SLC25A40: variants seen among roughly 807,000 people sequenced by gnomAD.
SLC25A40 encodes the protein solute carrier family 25 member 40, also known as mitochondrial glutathione transporter SLC25A40.
In SLC25A40, 41 loss-of-function variants were observed where a neutral mutation model predicts 46.5. The observed-to-expected ratio is 0.88, with a 90% CI of 0.69 to 1.14. The LOEUF (loss-of-function observed/expected upper bound fraction) is 1.14, where lower values mean the gene tolerates loss of function less well. SLC25A40 is among the 50% of genes most tolerant of loss of function. The probability of loss-of-function intolerance (pLI) is 0.00; values close to 1 mark genes in which losing one functional copy is unlikely to be tolerated. For synonymous variants in SLC25A40, 126 were observed against 127.5 expected, an observed-to-expected ratio of 0.99 and a Z score of 0.08; for missense variants, 386 against 393.6, an observed-to-expected ratio of 0.98 and a Z score of 0.16.
intron 1 of SLC25A40, among the ~76,000 whole-genome samples, chr7:87,873,662 A>T (rs1384584432): frequency 1.3e-5 from 2 of 151,854 alleles, no homozygotes; most frequent in Non-Finnish European, 2.9e-5. Context: ...CCAACTTCTG[A>T]CCTCGTGATC....
chr7:87,864,616 T>C (rs768692227), intron 1 of SLC25A40, among the ~76,000 whole-genome samples: 1 of 152,242 alleles, frequency 6.6e-6, no homozygotes, highest in South Asian at 2.1e-4. Context: ...ATTTTACATA[T>C]GCATAGCTAG....
intron 1 of SLC25A40, among the ~76,000 whole-genome samples, chr7:87,875,815 G>T (rs1445090538): frequency 2.0e-5 from 3 of 152,176 alleles, no homozygotes; most frequent in African/African-American, 7.2e-5. Flanking sequence ...CGTCAAGGCC[G>T]GGGCCGCCTG....
chr7:87,841,295 A>C (rs555253164), intron 10 of SLC25A40, among the ~76,000 whole-genome samples: 10 of 151,702 alleles, frequency 6.6e-5, no homozygotes, highest in African/African-American at 2.2e-4. Context: ...AAGGACAATA[A>C]AAATAATAAT....
intron 8 of SLC25A40, among the ~76,000 whole-genome samples, chr7:87,844,794 T>TG (rs1251789466): frequency 6.7e-6 from 1 of 148,344 alleles, no homozygotes; most frequent in African/African-American, 2.4e-5. Context: ...TACTAAAAGC[T>TG]GGGGGGCAGT....
chr7:87,852,278 GA>G (rs112513168), intron 5 of SLC25A40, among the ~76,000 whole-genome samples: 2 of 150,600 alleles, frequency 1.3e-5, no homozygotes, highest in East Asian at 1.9e-4. Flanking sequence ...AAACAACTTT[GA>G]AAAAAAAATA....
intron 7 of SLC25A40, 88 bp downstream of exon 7, chr7:87,847,763 CTA>C (rs1838443302): frequency 7.9e-7 from 1 of 1,263,162 alleles, no homozygotes; most frequent in Admixed American, 2.5e-5. Context: ...TACTAATACT[CTA>C]TATATTATAC....
chr7:87,840,328 T>A (rs981422698), intron 10 of SLC25A40, among the ~76,000 whole-genome samples: 9 of 151,722 alleles, frequency 5.9e-5, no homozygotes, highest in African/African-American at 2.2e-4. Context: ...ATTCATTAAA[T>A]GAGAGTTTAC....
chr7:87,861,758 T>A (rs910550857), intron 1 of SLC25A40, among the ~76,000 whole-genome samples: 1 of 152,204 alleles, frequency 6.6e-6, no homozygotes, highest in Non-Finnish European at 1.5e-5. Flanking sequence ...ATTGTTGACA[T>A]TGATGCCAGC....
At chr7:87,864,385 G>A (rs1019616837) in intron 1 of SLC25A40, among the ~76,000 whole-genome samples, 26 of 152,044 alleles carry the variant, frequency 1.7e-4, no homozygotes, top group Admixed American at 2.6e-4. Context: ...AATACACAAC[G>A]GATTAGTGTA....
chr7:87,836,450 A>G, intron 11 of SLC25A40, 89 bp from the exon 12 acceptor site: 1 of 812,670 alleles, frequency 1.2e-6, no homozygotes, highest in African/African-American at 1.8e-5. Context: ...TCTGATAATT[A>G]TCAAATTAAA....
intron 1 of SLC25A40, among the ~76,000 whole-genome samples, chr7:87,866,364 C>T (rs773364831): frequency 3.2e-4 from 48 of 152,154 alleles, no homozygotes; most frequent in Non-Finnish European, 6.3e-4. Context: ...TGTCATCTAA[C>T]TCCTTCCTGG....
intron 10 of SLC25A40, among the ~76,000 whole-genome samples, chr7:87,841,320 A>G (rs916340205): frequency 2.6e-5 from 4 of 151,760 alleles, no homozygotes; most frequent in African/African-American, 7.2e-5. Context: ...AATAGATCTG[A>G]AAACAAACTT....
intron 1 of SLC25A40, among the ~76,000 whole-genome samples, chr7:87,869,045 A>G (rs6952738): frequency 0.011 from 1,751 of 152,294 alleles, 43 homozygotes; most frequent in African/African-American, 0.04. Flanking sequence ...AGCCAAATAT[A>G]TATTTCACAA....
At chr7:87,859,172 C>T (rs1040518055) in intron 2 of SLC25A40, among the ~76,000 whole-genome samples, 10 of 151,976 alleles carry the variant, frequency 6.6e-5, no homozygotes, top group Non-Finnish European at 1.3e-4. Context: ...AAATAATCAC[C>T]GGCCAGGCGT....
intron 9 of SLC25A40, chr7:87,842,099 G>C (rs1838344792): frequency 6.9e-6 from 2 of 288,054 alleles, no homozygotes; most frequent in South Asian, 6.4e-5. Flanking sequence ...CAAGTATCTA[G>C]TGAGCATTTA....
At position 87,847,909 on chromosome 7, in the gene SLC25A40, G is replaced by T. The variant is rs776932608; in HGVS notation, c.401C>A (p.Ser134Tyr). The change falls in exon 7 of 12, where the codon TCT becomes TAT. Residue 134 changes from serine to tyrosine, a missense_variant. Ser to Tyr is a moderately radical substitution (Grantham distance 144). Coordinates refer to ENST00000341119, the MANE Select transcript of SLC25A40 (RefSeq NM_018843.4). The stretch of plus-strand genomic sequence containing the variant: ...GCAGGTTTCATTTTCTCCTAACTTA[G>T]ATCTCAGAAGAGCACTTAATTGATC... ...CYDQLSALLRSKLGENETCIP... is the reference protein window; with the variant it reads ...CYDQLSALLRYKLGENETCIP... 1.2e-6 allele frequency: 2 copies of T among 1,611,502 alleles called. No homozygotes were observed. Among genetic ancestry groups the T allele is most frequent in the Non-Finnish European group, 1.7e-6 (2 of 1,178,958 alleles).
chr7:87,870,875 G>A (rs1034695968), intron 1 of SLC25A40, among the ~76,000 whole-genome samples: 5 of 152,038 alleles, frequency 3.3e-5, no homozygotes, highest in African/African-American at 1.2e-4. Context: ...ATTCCTCCTG[G>A]ATGCCCGACA....
intron 1 of SLC25A40, among the ~76,000 whole-genome samples, chr7:87,867,388 T>C (rs1838820921): frequency 6.6e-6 from 1 of 152,232 alleles, no homozygotes; most frequent in African/African-American, 2.4e-5. Flanking sequence ...GTTCACAGTA[T>C]CTAATCAAAT....
At chr7:87,870,989 G>A (rs1365594051) in intron 1 of SLC25A40, among the ~76,000 whole-genome samples, 1 of 152,164 alleles carries the variant, frequency 6.6e-6, no homozygotes, top group East Asian at 1.9e-4. Context: ...AAAGGGCACT[G>A]TATCATTTCC....
Sources: gnomAD v4.1 joint callset for allele counts (sites outside exome capture counted in the v4.1 genomes callset) on GRCh38, gnomAD v4.1.1 for gene constraint, MANE v1.5 for transcripts, NCBI Gene and HGNC (gene_info 2026-07-23, HGNC 2026-07-21) for gene names.